HMGCLL1: variants seen among roughly 807,000 people sequenced by gnomAD.
The protein encoded by HMGCLL1 is 3-hydroxymethyl-3-methylglutaryl-CoA lyase, cytoplasmic.
Under a neutral mutation model 39.1 loss-of-function variants are expected in HMGCLL1, and 36 were observed. The observed-to-expected ratio is 0.92, with a 90% CI of 0.71 to 1.22. The LOEUF is 1.22. HMGCLL1 is among the 50% of genes most tolerant of loss of function. The pLI, the probability that HMGCLL1 is intolerant of heterozygous loss-of-function variation, is 0.00. For missense variants in HMGCLL1, 451 were observed against 416.5 expected (o/e 1.08, Z -0.72); for synonymous variants, 149 against 144.0 (o/e 1.03, Z -0.25).
At chr6:55,490,787 A>G (rs963388002) in intron 7 of HMGCLL1, among the ~76,000 whole-genome samples, 1 of 150,676 alleles carries the variant, frequency 6.6e-6, no homozygotes, top group Non-Finnish European at 1.5e-5. Flanking sequence ...ATCCCTAAAG[A>G]CAAAATCTAA....
chr6:55,545,624 TAA>T (rs1360370485), intron 1 of HMGCLL1, among the ~76,000 whole-genome samples: 1 of 152,060 alleles, frequency 6.6e-6, no homozygotes, highest in Non-Finnish European at 1.5e-5. Flanking sequence ...CAATTATATA[TAA>T]GTGTAAGATA....
intron 3 of HMGCLL1, among the ~76,000 whole-genome samples, chr6:55,521,326 A>T (rs975159640): frequency 2.0e-5 from 3 of 152,126 alleles, no homozygotes; most frequent in East Asian, 1.9e-4. Context: ...AGAGAATCAT[A>T]TTGGAAGTTT....
At chr6:55,440,810 G>C (rs372845319) in intron 7 of HMGCLL1, among the ~76,000 whole-genome samples, 21 of 152,260 alleles carry the variant, frequency 1.4e-4, no homozygotes, top group African/African-American at 5.1e-4. Context: ...ACAAGATTCT[G>C]ACAGCTGCTG....
the HMGCLL1 span, among the ~76,000 whole-genome samples, chr6:55,605,848 G>A: frequency 1.3e-5 from 2 of 151,996 alleles, no homozygotes; most frequent in African/African-American, 4.8e-5. Context: ...TTCATAAATC[G>A]TTTCTAACTG....
chr6:55,529,246 T>A (rs1768499821), intron 3 of HMGCLL1, among the ~76,000 whole-genome samples: 1 of 152,148 alleles, frequency 6.6e-6, no homozygotes, highest in Non-Finnish European at 1.5e-5. Context: ...GCCTCTCATA[T>A]ATCATGTCTT....
chr6:55,523,777 T>G (rs1768162934), intron 3 of HMGCLL1, among the ~76,000 whole-genome samples: 1 of 151,922 alleles, frequency 6.6e-6, no homozygotes, highest in African/African-American at 2.4e-5. Context: ...TGTAAATAGT[T>G]AAGGAGAAAC....
At chr6:55,536,962 A>C (rs1769070990) in intron 3 of HMGCLL1, among the ~76,000 whole-genome samples, 1 of 151,862 alleles carries the variant, frequency 6.6e-6, no homozygotes, top group African/African-American at 2.4e-5. Flanking sequence ...GTAGAGAATT[A>C]ATAGAATACC....
chr6:55,439,352 A>G, intron 8 of HMGCLL1, 82 bp downstream of exon 8: 1 of 1,390,204 alleles, frequency 7.2e-7, no homozygotes, highest in Non-Finnish European at 9.8e-7. Flanking sequence ...TTGACCTCAA[A>G]ATTGCTTCCC....
At chr6:55,652,064 G>A in the HMGCLL1 span, among the ~76,000 whole-genome samples, 1 of 151,864 alleles carries the variant, frequency 6.6e-6, no homozygotes, top group South Asian at 2.1e-4. Context: ...GTGATTTTTC[G>A]CCTGATTTTT....
intron 3 of HMGCLL1, among the ~76,000 whole-genome samples, chr6:55,521,414 GT>G (rs1368499188): frequency 1.3e-5 from 2 of 152,058 alleles, no homozygotes; most frequent in Non-Finnish European, 2.9e-5. Flanking sequence ...CAGGTACTGT[GT>G]TTTTTACAAA....
chr6:55,551,006 C>T (rs1446071295), intron 1 of HMGCLL1, among the ~76,000 whole-genome samples: 1 of 150,388 alleles, frequency 6.6e-6, no homozygotes, highest in Non-Finnish European at 1.5e-5. Context: ...AAGTCATGAT[C>T]CCTTGCCTAG....
At chr6:55,626,599 G>A in the HMGCLL1 span, among the ~76,000 whole-genome samples, 1 of 152,010 alleles carries the variant, frequency 6.6e-6, no homozygotes, top group African/African-American at 2.4e-5. Context: ...GGGAATCAAG[G>A]GGTGGAAGTA....
chr6:55,577,278 A>AT (rs1306589900), intron 1 of HMGCLL1: 1 of 1,402,640 alleles, frequency 7.1e-7, no homozygotes, highest in Non-Finnish European at 9.6e-7. Flanking sequence ...CTAAAACAGA[A>AT]TTATTTTTAA....
the HMGCLL1 span, among the ~76,000 whole-genome samples, chr6:55,650,134 TACACACACACAC>T: frequency 3.8e-4 from 20 of 53,266 alleles, no homozygotes; most frequent in South Asian, 7.3e-4. Context: ...TATATATATA[TACACACACACAC>T]ACATATGTAT....
chr6:55,587,659 A>G, the HMGCLL1 span, among the ~76,000 whole-genome samples: 1 of 152,106 alleles, frequency 6.6e-6, no homozygotes, highest in African/African-American at 2.4e-5. Flanking sequence ...CAGGAAACCC[A>G]TCTCACGTGC....
At chr6:55,589,504 C>T in the HMGCLL1 span, among the ~76,000 whole-genome samples, 1 of 152,110 alleles carries the variant, frequency 6.6e-6, no homozygotes, top group African/African-American at 2.4e-5. Flanking sequence ...GACAGGGATG[C>T]CCTCTCTCAC....
the HMGCLL1 span, among the ~76,000 whole-genome samples, chr6:55,589,067 C>A: frequency 1.3e-5 from 2 of 152,132 alleles, no homozygotes; most frequent in Admixed American, 6.5e-5. Context: ...AGGCCAGCAT[C>A]ATCCTGATAC....
At chr6:55,540,780 T>C (rs1022556417) in intron 3 of HMGCLL1, among the ~76,000 whole-genome samples, 5 of 152,072 alleles carry the variant, frequency 3.3e-5, no homozygotes, top group African/African-American at 7.2e-5. Context: ...GAGGTGGAGA[T>C]GGTACATCCA....
the HMGCLL1 span, among the ~76,000 whole-genome samples, chr6:55,659,095 A>G: frequency 1.3e-5 from 2 of 152,022 alleles, no homozygotes; most frequent in East Asian, 3.9e-4. Flanking sequence ...GACACATGTA[A>G]TGGATATTTA....
Sources: gnomAD v4.1 joint callset for allele counts (sites outside exome capture counted in the v4.1 genomes callset) on GRCh38, gnomAD v4.1.1 for gene constraint, MANE v1.5 for transcripts, NCBI Gene and HGNC (gene_info 2026-07-23, HGNC 2026-07-21) for gene names.